ZNF841: variants seen among roughly 807,000 people sequenced by gnomAD.
The protein encoded by ZNF841 is TCONS_00006091.
ZNF841 carries 11 observed loss-of-function variants against 13.0 expected under a neutral mutation model. The ratio of observed to expected loss-of-function variants is 0.85; its 90% CI spans 0.53 to 1.40. The LOEUF is 1.40. Ranked by LOEUF, ZNF841 falls within the 40% of genes most tolerant of loss-of-function variation. The pLI is 0.00. For missense variants in ZNF841, 1,068 were observed against 1,139.5 expected (o/e 0.94, Z 0.90); for synonymous variants, 369 against 381.6 (o/e 0.97, Z 0.38).
At chr19:52,078,460 G>T (rs1195844727) in intron 4 of ZNF841, among the ~76,000 whole-genome samples, 1 of 152,106 alleles carries the variant, frequency 6.6e-6, no homozygotes, top group African/African-American at 2.4e-5. Context: ...AGCACTTTGG[G>T]AGGCCGAGGT....
chr19:52,066,630 C>T lies in ZNF841; in HGVS notation c.1252G>A (p.Ala418Thr). The T allele has an allele frequency of 6.2e-7, 1 of 1,613,488 alleles. No individual in the cohort carries two copies. The highest frequency in any genetic ancestry group is 8.5e-7 in the Non-Finnish European group (1 of 1,179,720). Residue 418 changes from alanine (A) to threonine (T), a missense_variant, in exon 7 of 7, where the codon GCA becomes ACA. Coordinates refer to ENST00000594440, the MANE Select transcript of ZNF841 (RefSeq NM_001136499.2). The stretch of plus-strand genomic sequence containing the variant: ...TTTCCTGCATGGATTATATGATGTG[C>T]AGTGAGGCTTGAGTTCCGTTTAAAG... ...KTFKRNSSLTAHHIIHAGKKP... is the reference protein window; with the variant it reads ...KTFKRNSSLTTHHIIHAGKKP...
chr19:52,090,693 A>AAG (rs1338262892), intron 2 of ZNF841, among the ~76,000 whole-genome samples: 20 of 148,752 alleles, frequency 1.3e-4, no homozygotes, highest in African/African-American at 4.9e-4. Flanking sequence ...GAAAGAAAGA[A>AAG]AGAAAGAAAG....
At chr19:52,070,797 TG>T (rs759656196) in intron 6 of ZNF841, among the ~76,000 whole-genome samples, 12 of 152,148 alleles carry the variant, frequency 7.9e-5, no homozygotes, top group Non-Finnish European at 1.8e-4. Flanking sequence ...TATCAGACAG[TG>T]GTCAAGTGAA....
At chr19:52,087,054 A>C (rs2088299280) in intron 3 of ZNF841, among the ~76,000 whole-genome samples, 1 of 152,222 alleles carries the variant, frequency 6.6e-6, no homozygotes, top group African/African-American at 2.4e-5. Context: ...CAGTGGAAGG[A>C]AACTAGAGGC....
Position 52,095,694 on chromosome 19 carries a change from G to A in ZNF841, c.-389C>T, listed in dbSNP as rs1600112939. On this transcript the variant is annotated 5_prime_UTR_variant, in exon 1 of 7. It adds an upstream start codon to the 5' untranslated region. Coordinates refer to ENST00000594440, the MANE Select transcript of ZNF841 (RefSeq NM_001136499.2). Reference sequence around the variant, plus strand: ...TCAAGGTAGACGAAGAGAAGCAAACGTTTAATCCAGGTAGACTGAAACACA... The same window carrying A: ...TCAAGGTAGACGAAGAGAAGCAAACATTTAATCCAGGTAGACTGAAACACA... 6.6e-6 allele frequency: 1 copy of A among 152,404 alleles called. No individual in the cohort carries two copies. Among genetic ancestry groups the A allele is most frequent in the East Asian group, 1.9e-4 (1 of 5,180 alleles). The allele number at this position is 152,404 out of a possible 1,614,324, so 9.4% of individuals were successfully genotyped here.
At chr19:52,063,690 A>T (rs2087444135), downstream of ZNF841, 1 of 152,226 alleles carries the variant, frequency 6.6e-6, no homozygotes, top group African/African-American at 2.4e-5. Flanking sequence ...TTACATTTGT[A>T]AGACTGTTCT....
Position 52,067,536 on chromosome 19 carries a change from C to T in ZNF841, c.346G>A (p.Val116Met), listed in dbSNP as rs1173839515. The change falls in exon 7 of 7, where the codon GTG (valine) becomes ATG (methionine). Residue 116 changes from valine to methionine, a missense_variant. By Grantham distance (21) the Val-to-Met change is conservative. Coordinates refer to ENST00000594440, the MANE Select transcript of ZNF841 (RefSeq NM_001136499.2). ...TAGCTTTCATGTCCTTCCAACATCA[C>T]TGCTTGGAATTTTTCTCCTGTGTTA... Reference protein sequence around the residue: ...NSNTGEKFQAVMLEGHESYDT... With the variant: ...NSNTGEKFQAMMLEGHESYDT... 1 of 1,599,422 alleles carries T rather than the reference C, an allele frequency of 6.3e-7. No individual in the cohort carries two copies.
downstream of ZNF841, chr19:52,064,380 A>G (rs987601079): frequency 6.8e-6 from 1 of 146,818 alleles, no homozygotes; most frequent in Non-Finnish European, 1.5e-5. Context: ...AAAAAAAAAA[A>G]AAAAAAAAAC....
intron 2 of ZNF841, among the ~76,000 whole-genome samples, chr19:52,090,630 A>AGAAAGAAG (rs1555782680): frequency 0.02 from 1,836 of 90,030 alleles, 118 homozygotes; most frequent in East Asian, 0.12. Context: ...AAAGAAAGAA[A>AGAAAGAAG]GAAGGAAGGA....
rs772022140 is a variant in ZNF841, at chr19:52,065,732, G to T, written c.2150C>A (p.Thr717Asn). The T allele has an allele frequency of 6.2e-7, 1 of 1,606,564 alleles. No individual in the cohort carries two copies. The highest frequency in any genetic ancestry group is 8.5e-7 in the Non-Finnish European group (1 of 1,175,948). Residue 717 changes from threonine (T) to asparagine (N), a missense_variant, in exon 7 of 7, where the codon ACT (threonine) becomes AAT (asparagine). Physicochemically the swap from Thr to Asn is moderately conservative, Grantham distance 65. Transcript: ENST00000594440. The part of the protein sequence containing the change: ...KPHKCSECGR[T>N]FSHKTSLVYH... ...CACCAGACTTGTTTTATGACTAAAA[G>T]TTCTACCACATTCACTACATTTGTG...
chr19:52,070,748 T>G (rs1265034145), intron 6 of ZNF841, among the ~76,000 whole-genome samples: 1 of 152,230 alleles, frequency 6.6e-6, no homozygotes, highest in Non-Finnish European at 1.5e-5. Context: ...GAACGGTATC[T>G]GAGTCATCAT....
chr19:52,073,292 TG>T (rs1045179009), intron 6 of ZNF841, among the ~76,000 whole-genome samples: 16 of 152,124 alleles, frequency 1.1e-4, no homozygotes, highest in African/African-American at 3.6e-4. Context: ...TACAAGTTGT[TG>T]TTTTTTTTTC....
At chr19:52,062,518 T>C (rs1016944326), downstream of ZNF841, among the ~76,000 whole-genome samples, 5 of 152,164 alleles carry the variant, frequency 3.3e-5, no homozygotes, top group African/African-American at 1.2e-4. Flanking sequence ...CCAGAAAACA[T>C]GGATATGAAG....
chr19:52,072,661 G>C (rs1185507355), intron 6 of ZNF841, among the ~76,000 whole-genome samples: 1 of 151,934 alleles, frequency 6.6e-6, no homozygotes, highest in African/African-American at 2.4e-5. Context: ...GGCCAACATA[G>C]TGAAACCCTC....
At position 52,095,592 on chromosome 19, in the gene ZNF841, T is replaced by C. The variant is rs955804166; in HGVS notation, c.-287A>G. ...CTACTTACTTGGGACGAAGGGGCTG[T>C]TGCGGGTATTTTAAGGTCCGTAGCG... On this transcript the variant is annotated 5_prime_UTR_variant, in exon 1 of 7. Coordinates refer to ENST00000594440, the MANE Select transcript of ZNF841 (RefSeq NM_001136499.2). 6.6e-6 allele frequency: 1 copy of C among 152,220 alleles called. No individual in the cohort carries two copies. Among genetic ancestry groups the C allele is most frequent in the Non-Finnish European group, 1.5e-5 (1 of 68,136 alleles). 9.4% of individuals were successfully genotyped at this position (152,220 alleles called of 1,614,324 possible).
chr19:52,066,942 C>G lies in ZNF841; in HGVS notation c.940G>C (p.Gly314Arg). 6.2e-7 allele frequency: 1 copy of G among 1,614,108 alleles called. No individual in the cohort carries two copies. Among genetic ancestry groups the G allele is most frequent in the Non-Finnish European group, 8.5e-7 (1 of 1,180,026 alleles). Residue 314 changes from glycine (G) to arginine (R), a missense_variant, in exon 7 of 7, where the codon GGG (glycine) becomes CGG (arginine). By Grantham distance (125) the Gly-to-Arg change is moderately radical. Transcript: ENST00000594440. ...LTVHQIVHTR[G>R]KPYQCDVCGR... is the part of the protein sequence containing the mutation. ...CATACATCACATTGGTATGGTTTCCCTCTTGTATGGACTATCTGATGTACT... is the reference window on the plus strand; with the variant it reads ...CATACATCACATTGGTATGGTTTCCGTCTTGTATGGACTATCTGATGTACT...
chr19:52,081,975 G>A (rs189826103), intron 4 of ZNF841, among the ~76,000 whole-genome samples: 298 of 152,086 alleles, frequency 2.0e-3, no homozygotes, highest in African/African-American at 6.9e-3. Flanking sequence ...AACTCAAAGG[G>A]GATTTTGACA....
At chr19:52,077,233 T>C in intron 4 of ZNF841, 149 bp from the exon 5 acceptor site, 1 of 904,068 alleles carries the variant, frequency 1.1e-6, no homozygotes, top group Middle Eastern at 2.4e-4. Flanking sequence ...TACGTCTCCC[T>C]GATTTTGGGT....
At position 52,066,104 on chromosome 19, in the gene ZNF841, C is replaced by T. The variant is rs2087549871; in HGVS notation, c.1778G>A (p.Gly593Glu). The T allele has an allele frequency of 6.2e-7, 1 of 1,614,054 alleles. No homozygotes were observed. Among genetic ancestry groups the T allele is most frequent in the South Asian group, 1.1e-5 (1 of 91,088 alleles). Residue 593 changes from glycine (G) to glutamate (E), a missense_variant, in exon 7 of 7, where the codon GGA becomes GAA. Coordinates refer to ENST00000594440, the MANE Select transcript of ZNF841 (RefSeq NM_001136499.2). Reference protein sequence around the residue: ...CLARHQRMHTGEKPYKCNVCG... With the variant: ...CLARHQRMHTEEKPYKCNVCG... ...CACATTACATTTGTAAGGTTTCTCT[C>T]CGGTATGCATTCTTTGATGACGTGC...
Sources: gnomAD v4.1 joint callset for allele counts (sites outside exome capture counted in the v4.1 genomes callset) on GRCh38, gnomAD v4.1.1 for gene constraint, MANE v1.5 for transcripts, NCBI Gene and HGNC (gene_info 2026-07-23, HGNC 2026-07-21) for gene names.